Variants in RP1L1 observed in about 807,000 individuals in gnomAD.
RP1L1 encodes the protein RP1 like 1.
In RP1L1, 27 loss-of-function variants were observed where a neutral mutation model predicts 15.7. The ratio of observed to expected loss-of-function variants is 1.72; its 90% CI spans 1.27 to 2.38. The LOEUF (loss-of-function observed/expected upper bound fraction) is 2.38, where lower values mean the gene tolerates loss of function less well. Ranked by LOEUF, RP1L1 falls within the 30% of genes most tolerant of loss-of-function variation. RP1L1 has a pLI of 0.00. For synonymous variants in RP1L1, 1,813 were observed against 1,276.7 expected (o/e 1.42, Z -8.96); for missense variants, 4,798 against 3,075.9 (o/e 1.56, Z -13.24).
chr8:10,645,873 GC>G (rs76670532), intron 1 of RP1L1, among the ~76,000 whole-genome samples: 25,047 of 152,202 alleles, frequency 0.16, 2,229 homozygotes, highest in Middle Eastern at 0.24. Flanking sequence ...GACAAGCATG[GC>G]CCTGGCGGCT....
chr8:10,608,373 G>C lies in RP1L1; in HGVS notation c.5725C>G (p.Pro1909Ala), dbSNP rs768743830. Reference protein sequence around the residue: ...VQPESEGAEAPEAEKEAQPET... With the variant: ...VQPESEGAEAAEAEKEAQPET... ...GGCTGGGCCTCCTTTTCTGCCTCCG[G>C]GGCTTCTGCACCTTCTGACTCTGGC... The change falls in exon 4 of 4, where the codon CCG (proline) becomes GCG (alanine). Residue 1909 changes from proline (P) to alanine (A), a missense_variant. Transcript: ENST00000382483. The C allele has an allele frequency of 1.9e-6, 3 of 1,612,338 alleles. No individual in the cohort carries two copies. The highest frequency in any genetic ancestry group is 2.5e-6 in the Non-Finnish European group (3 of 1,179,776).
chr8:10,616,402 C>T (rs1280007951), intron 3 of RP1L1, 44 bp downstream of exon 3: 3 of 1,613,482 alleles, frequency 1.9e-6, no homozygotes, highest in Non-Finnish European at 2.5e-6. Flanking sequence ...ACTGAACCAC[C>T]ATGCAGTGCA....
chr8:10,622,830 G>A lies in RP1L1; in HGVS notation c.372C>T (p.Pro124=). ...SGPGRPQERN[P]TAQQLRDVEG... ...CGACATCCCGCAACTGCTGAGCAGT[G>A]GGGTTTCTCTCCTGTGGCCGGCCTG... is the stretch of plus-strand genomic sequence containing the variant. The change falls in exon 2 of 4, where the codon CCC becomes CCT. Residue 124 remains proline (P), a synonymous_variant. Transcript: ENST00000382483. 3 of 1,613,448 alleles carry A rather than the reference G, an allele frequency of 1.9e-6. No individual in the cohort carries two copies. The highest frequency in any genetic ancestry group is 2.5e-6 in the Non-Finnish European group (3 of 1,179,544).
intron 1 of RP1L1, among the ~76,000 whole-genome samples, chr8:10,647,520 C>T (rs1194551028): frequency 6.6e-6 from 1 of 152,186 alleles, no homozygotes; most frequent in African/African-American, 2.4e-5. Flanking sequence ...CCCCTGACAG[C>T]CACCATTTTG....
chr8:10,615,058 G>T (rs1300819582), intron 3 of RP1L1, among the ~76,000 whole-genome samples: 2 of 152,196 alleles, frequency 1.3e-5, no homozygotes, highest in African/African-American at 2.4e-5. Flanking sequence ...GCTTTGCCCA[G>T]TCCTGGCCCT....
At chr8:10,637,690 C>T (rs1486851327) in intron 1 of RP1L1, among the ~76,000 whole-genome samples, 1 of 152,180 alleles carries the variant, frequency 6.6e-6, no homozygotes, top group African/African-American at 2.4e-5. Context: ...CTGAGTTTTC[C>T]TGCAAAGAAA....
At chr8:10,642,968 A>G (rs1798428552) in intron 1 of RP1L1, among the ~76,000 whole-genome samples, 1 of 152,200 alleles carries the variant, frequency 6.6e-6, no homozygotes, top group African/African-American at 2.4e-5. Context: ...CAGGTGAAGA[A>G]TAGCTGTGGA....
chr8:10,608,778 C>G lies in RP1L1; in HGVS notation c.5320G>C (p.Gly1774Arg), dbSNP rs756716222. ...EGDAMAQERE[G>R]KTHNSETSAG... is the part of the protein sequence containing the mutation. ...CTGGTTTCACTGTTGTGGGTTTTCC[C>G]TTCTCTCTCCTGAGCCATTGCATCT... Residue 1774 changes from glycine to arginine, a missense_variant, in exon 4 of 4, where the codon GGG becomes CGG. Physicochemically the swap from Gly to Arg is moderately radical, Grantham distance 125 (BLOSUM62 -2). Coordinates refer to ENST00000382483, the MANE Select transcript of RP1L1 (RefSeq NM_178857.6). 1 of 1,614,212 alleles carries G rather than the reference C, an allele frequency of 6.2e-7. No individual in the cohort carries two copies. Among genetic ancestry groups the G allele is most frequent in the Non-Finnish European group, 8.5e-7 (1 of 1,180,048 alleles).
At chr8:10,633,572 G>T (rs1319602070) in intron 1 of RP1L1, among the ~76,000 whole-genome samples, 1 of 152,160 alleles carries the variant, frequency 6.6e-6, no homozygotes, top group African/African-American at 2.4e-5. Context: ...GGGGAGGCCG[G>T]GGAAATCGCA....
chr8:10,617,182 A>G (rs73539548), intron 2 of RP1L1, among the ~76,000 whole-genome samples: 4,895 of 151,902 alleles, frequency 0.032, 282 homozygotes, highest in African/African-American at 0.11. Flanking sequence ...AATGTCCCCT[A>G]TGCACTCCTG....
Position 10,610,025 on chromosome 8 carries a change from T to C in RP1L1, c.4073A>G (p.Glu1358Gly), listed in dbSNP as rs751638992. ...CCCTTCTCCTCCTGTTTCTTCAATT[T>C]CCTCTAACTGCGCCTCTTCTTCTTG... ...GQQEEEAQLE[E>G]IEETGGEGLQ... is the part of the protein sequence containing the mutation. Residue 1358 changes from glutamate to glycine, a missense_variant, in exon 4 of 4, where the codon GAA becomes GGA. Physicochemically the swap from Glu to Gly is moderately conservative, Grantham distance 98. Coordinates refer to ENST00000382483, the MANE Select transcript of RP1L1 (RefSeq NM_178857.6). 26 of 1,486,394 alleles carry C rather than the reference T, an allele frequency of 1.7e-5. 1 individual carries two copies. In the African/African-American group the frequency reaches 3.2e-4, roughly 18 times the overall value. 92.1% of individuals were successfully genotyped at this position (1,486,394 alleles called of 1,614,324 possible). A position where few individuals can be genotyped will look rare whatever the true frequency, so the allele number is the denominator to read the frequency against.
In RP1L1 at chr8:10,608,670, G is replaced by A. The variant is rs1249662140; in HGVS notation, c.5428C>T (p.His1810Tyr). 1 of 1,614,154 alleles carries A rather than the reference G, an allele frequency of 6.2e-7. No homozygotes were observed. Among genetic ancestry groups the A allele is most frequent in the South Asian group, 1.1e-5 (1 of 91,086 alleles). ...GCTTCACCCTGCAAGTTGTCCTCAT[G>A]CCCAGAGCCTTGACCCCCAGTTTCT... is the stretch of plus-strand genomic sequence containing the variant. ...RGETGGQGSGHEDNLQGEAAA... is the reference protein window; with the variant it reads ...RGETGGQGSGYEDNLQGEAAA... Residue 1810 changes from histidine (H) to tyrosine (Y), a missense_variant, in exon 4 of 4, where the codon CAT becomes TAT. Physicochemically the swap from His to Tyr is moderately conservative, Grantham distance 83. Transcript: ENST00000382483.
At chr8:10,631,842 G>A (rs1373039504) in intron 1 of RP1L1, among the ~76,000 whole-genome samples, 3 of 152,216 alleles carry the variant, frequency 2.0e-5, no homozygotes, top group Non-Finnish European at 4.4e-5. Context: ...GGAAGACACT[G>A]CCAGGCAAGG....
chr8:10,607,217 G>A lies in RP1L1; in HGVS notation c.6881C>T (p.Ser2294Phe), dbSNP rs200139289. 6 of 1,614,172 alleles carry A rather than the reference G, an allele frequency of 3.7e-6. No homozygotes were observed. The highest frequency in any genetic ancestry group is 1.3e-5 in the African/African-American group (1 of 75,058). The change falls in exon 4 of 4, where the codon TCC (serine) becomes TTC (phenylalanine). Residue 2294 changes from serine (S) to phenylalanine (F), a missense_variant. Ser to Phe is a radical substitution (Grantham distance 155). Transcript: ENST00000382483. ...GGDTPHQRPG[S>F]QTGPSSSRAS... ...TCTGGAGGAGGAAGGGCCTGTTTGG[G>A]AGCCTGGCCTTTGGTGGGGAGTGTC...
rs1470315207 is a variant in RP1L1 at position 10,613,213 on chromosome 8, G to A, written c.885C>T (p.Asp295=). The part of the protein sequence containing the change: ...VGPAPGRHPQ[D]TPAQSGPLVA... ...CCAGCGGGCCCGACTGAGCTGGCGT[G>A]TCCTGAGGGTGCCTGCCAGGAGCAG... The change falls in exon 4 of 4, where the codon GAC becomes GAT. Residue 295 remains aspartate (D), a synonymous_variant. Transcript: ENST00000382483. The A allele has an allele frequency of 1.2e-6, 2 of 1,613,312 alleles. No individual in the cohort carries two copies. Among genetic ancestry groups the A allele is most frequent in the African/African-American group, 1.3e-5 (1 of 74,940 alleles).
chr8:10,608,922 C>A lies in RP1L1; in HGVS notation c.5176G>T (p.Ala1726Ser), dbSNP rs377441278. ...DPTSTRTVQG[A>S]EGGLGPGLSQ... is the part of the protein sequence containing the mutation. Reference sequence around the variant, plus strand: ...AGCCCCGGCCCCAGCCCTCCCTCAGCTCCCTGGACAGTCCTAGTGCTCGTG... The same window carrying A: ...AGCCCCGGCCCCAGCCCTCCCTCAGATCCCTGGACAGTCCTAGTGCTCGTG... Residue 1726 changes from alanine to serine, a missense_variant, in exon 4 of 4, where the codon GCT becomes TCT. Transcript: ENST00000382483. 6.2e-7 allele frequency: 1 copy of A among 1,614,148 alleles called. No individual in the cohort carries two copies. The highest frequency in any genetic ancestry group is 8.5e-7 in the Non-Finnish European group (1 of 1,180,028).
rs528493337 is a variant in RP1L1 at position 10,609,281 on chromosome 8, C to A, written c.4817G>T (p.Arg1606Leu). The change falls in exon 4 of 4, where the codon CGC becomes CTC. Residue 1606 changes from arginine to leucine, a missense_variant. Coordinates refer to ENST00000382483, the MANE Select transcript of RP1L1 (RefSeq NM_178857.6). ...TGELLLQTQQ[R>L]RHRLRGLRNL... ...TCGCAGGCCCCGGAGACGGTGTCTG[C>A]GCTGCTGGGTCTGCAGGAGCAGCTC... 1.1e-5 allele frequency: 18 copies of A among 1,609,928 alleles called. No homozygotes were observed. Among genetic ancestry groups the A allele is most frequent in the Non-Finnish European group, 1.4e-5 (16 of 1,179,642 alleles).
rs1797705657 is a variant in RP1L1, at chr8:10,606,620, T to C, written c.*275A>G. Reference sequence around the variant, plus strand: ...CCATCTTTCGGGCTCTGCAGACAAATAAATAGGAGCCGGGCTGACCTCCGA... The same window carrying C: ...CCATCTTTCGGGCTCTGCAGACAAACAAATAGGAGCCGGGCTGACCTCCGA... On this transcript the variant is annotated 3_prime_UTR_variant, in exon 4 of 4. Transcript: ENST00000382483. The C allele has an allele frequency of 2.0e-6, 1 of 493,550 alleles. No individual in the cohort carries two copies. The highest frequency in any genetic ancestry group is 3.6e-6 in the Non-Finnish European group (1 of 278,876). The allele number at this position is 493,550 out of a possible 1,614,324, so 30.6% of individuals were successfully genotyped here. A position where few individuals can be genotyped will look rare whatever the true frequency, so the allele number is the denominator to read the frequency against.
At chr8:10,654,034 G>A (rs1798602885) in intron 1 of RP1L1, among the ~76,000 whole-genome samples, 1 of 152,176 alleles carries the variant, frequency 6.6e-6, no homozygotes, top group African/African-American at 2.4e-5. Context: ...ATGGTCCCAT[G>A]GGGAAGTACA....
Sources: gnomAD v4.1 joint callset for allele counts (sites outside exome capture counted in the v4.1 genomes callset) on GRCh38, gnomAD v4.1.1 for gene constraint, MANE v1.5 for transcripts, NCBI Gene and HGNC (gene_info 2026-07-23, HGNC 2026-07-21) for gene names.